Variants in CDKAL1 observed in about 807,000 individuals in gnomAD.
CDKAL1 encodes threonylcarbamoyladenosine tRNA methylthiotransferase.
In CDKAL1, 32 loss-of-function variants were observed where a neutral mutation model predicts 68.2. The ratio of observed to expected loss-of-function variants is 0.47; its 90% CI spans 0.35 to 0.63. The LOEUF (loss-of-function observed/expected upper bound fraction) is 0.63, where lower values mean the gene tolerates loss of function less well. Among genes scored for constraint, CDKAL1 ranks in the 30% least tolerant of loss-of-function variants. The probability of loss-of-function intolerance (pLI) is 0.00; values close to 1 mark genes in which losing one functional copy is unlikely to be tolerated. For synonymous variants in CDKAL1, 234 were observed against 244.3 expected (o/e 0.96, Z 0.39); for missense variants, 606 against 696.7 (o/e 0.87, Z 1.47).
chr6:20,713,644 G>A (rs1771950026), intron 5 of CDKAL1, among the ~76,000 whole-genome samples: 1 of 152,076 alleles, frequency 6.6e-6, no homozygotes, highest in African/African-American at 2.4e-5. Flanking sequence ...TTCATACACT[G>A]TACAATGAAA....
chr6:20,950,010 G>T (rs568768077), intron 9 of CDKAL1, among the ~76,000 whole-genome samples: 7 of 152,138 alleles, frequency 4.6e-5, no homozygotes, highest in African/African-American at 1.7e-4. Context: ...GGCTGGTCTT[G>T]AACTCCTGAC....
intron 2 of CDKAL1, 117 bp from the exon 3 acceptor site, chr6:20,546,229 T>A: frequency 1.4e-6 from 1 of 713,886 alleles, no homozygotes. Context: ...TTTCTATAAA[T>A]TTGAAGTTAG....
intron 4 of CDKAL1, among the ~76,000 whole-genome samples, chr6:20,589,978 C>G (rs943352313): frequency 6.6e-6 from 1 of 151,962 alleles, no homozygotes; most frequent in Non-Finnish European, 1.5e-5. Flanking sequence ...TCTCTTTGTC[C>G]CCAGTTTTCT....
intron 5 of CDKAL1, among the ~76,000 whole-genome samples, chr6:20,738,987 A>C (rs1773324388): frequency 6.6e-6 from 1 of 152,188 alleles, no homozygotes; most frequent in Non-Finnish European, 1.5e-5. Flanking sequence ...ATATGCAGTC[A>C]ACTTTAGCAT....
intron 8 of CDKAL1, among the ~76,000 whole-genome samples, chr6:20,794,655 T>C (rs1307652577): frequency 6.6e-6 from 1 of 152,140 alleles, no homozygotes; most frequent in Non-Finnish European, 1.5e-5. Context: ...GAAAGGATTT[T>C]AGAGATTTAA....
chr6:20,906,611 G>T (rs1299873244), intron 9 of CDKAL1, among the ~76,000 whole-genome samples: 1 of 152,042 alleles, frequency 6.6e-6, no homozygotes, highest in Non-Finnish European at 1.5e-5. Context: ...CTTATGATGG[G>T]GTCATGTCCA....
intron 15 of CDKAL1, among the ~76,000 whole-genome samples, chr6:21,218,508 G>A (rs1779419822): frequency 6.6e-6 from 1 of 152,236 alleles, no homozygotes; most frequent in Non-Finnish European, 1.5e-5. Context: ...CTGGCAGCCG[G>A]GGATGTGGCC....
At chr6:20,660,637 A>G (rs1769243727) in intron 5 of CDKAL1, among the ~76,000 whole-genome samples, 1 of 152,170 alleles carries the variant, frequency 6.6e-6, no homozygotes, top group Non-Finnish European at 1.5e-5. Flanking sequence ...TGGCCATTAG[A>G]TTAGTTAAAG....
intron 8 of CDKAL1, among the ~76,000 whole-genome samples, chr6:20,822,542 C>T (rs1054852026): frequency 7.2e-5 from 11 of 152,088 alleles, no homozygotes; most frequent in Admixed American, 5.9e-4. Context: ...TTTGGCTCAG[C>T]GATAGGGTTA....
chr6:20,924,988 A>G (rs751819803), intron 9 of CDKAL1, among the ~76,000 whole-genome samples: 1 of 152,236 alleles, frequency 6.6e-6, no homozygotes, highest in Non-Finnish European at 1.5e-5. Context: ...CAATTTGAAA[A>G]GCAGTTCTGT....
chr6:20,619,162 G>C (rs546406004), intron 4 of CDKAL1, among the ~76,000 whole-genome samples: 1 of 152,188 alleles, frequency 6.6e-6, no homozygotes. Context: ...TGATAATTCA[G>C]ATGTATCCTC....
intron 4 of CDKAL1, among the ~76,000 whole-genome samples, chr6:20,576,418 A>AT (rs1263101808): frequency 6.6e-6 from 1 of 152,230 alleles, no homozygotes; most frequent in African/African-American, 2.4e-5. Flanking sequence ...TGGATATGGA[A>AT]TAGGAGAACA....
Position 21,170,769 on chromosome 6 carries a change from A to G in CDKAL1, c.1300-27252A>G, listed in dbSNP as rs191939777. On this transcript the variant is annotated intron_variant, in intron 13 of 15. Transcript: ENST00000274695. ...GTTGAAGGTAGGGAAAGCTTTGTGT[A>G]ATTTACAGAGGCCGAGGAAGACAGT... Among the ~76,000 whole-genome samples the G allele has an allele frequency of 2.0e-5, 3 of 152,218 alleles. No homozygotes were observed. The East Asian group carries it at 5.8e-4, about 29-fold the overall frequency.
intron 9 of CDKAL1, among the ~76,000 whole-genome samples, chr6:20,951,359 T>G (rs990259398): frequency 6.6e-6 from 1 of 152,246 alleles, no homozygotes; most frequent in African/African-American, 2.4e-5. Flanking sequence ...TGGCAAAGTT[T>G]GATTTTTCAA....
At chr6:21,211,628 C>T (rs1232866217) in intron 15 of CDKAL1, among the ~76,000 whole-genome samples, 1 of 152,204 alleles carries the variant, frequency 6.6e-6, no homozygotes, top group Non-Finnish European at 1.5e-5. Flanking sequence ...TATTCATATT[C>T]ATTGGCCAGA....
chr6:20,553,508 C>G (rs888825094), intron 4 of CDKAL1, among the ~76,000 whole-genome samples: 1 of 151,932 alleles, frequency 6.6e-6, no homozygotes, highest in Non-Finnish European at 1.5e-5. Flanking sequence ...GACACTGTCT[C>G]AAAAAAACAA....
At chr6:20,997,160 A>G (rs1701574472) in intron 10 of CDKAL1, among the ~76,000 whole-genome samples, 1 of 152,228 alleles carries the variant, frequency 6.6e-6, no homozygotes, top group South Asian at 2.1e-4. Context: ...GCAGCCTTGT[A>G]GCATTCAGTT....
intron 8 of CDKAL1, among the ~76,000 whole-genome samples, chr6:20,786,494 CTTTTTTTTTTTTT>C (rs1197574844): frequency 2.5e-5 from 2 of 80,774 alleles, no homozygotes; most frequent in Middle Eastern, 0.01. Flanking sequence ...TTTTTCTTAT[CTTTTTTTTTTTTT>C]TTTTTTTTGA....
intron 11 of CDKAL1, among the ~76,000 whole-genome samples, chr6:21,045,144 C>T (rs2150902048): frequency 6.6e-6 from 1 of 152,302 alleles, no homozygotes; most frequent in South Asian, 2.1e-4. Context: ...CAAACCATAG[C>T]ACTTGGCGAA....
Sources: allele counts gnomAD v4.1 joint callset (sites outside exome capture counted in the v4.1 genomes callset), GRCh38; gene constraint gnomAD v4.1.1; transcripts MANE v1.5; gene names NCBI Gene and HGNC (gene_info 2026-07-23, HGNC 2026-07-21).